AP3S1: variants seen among roughly 807,000 people sequenced by gnomAD.
AP3S1 encodes AP-3 complex subunit sigma-1.
In AP3S1, 12 loss-of-function variants were observed where a neutral mutation model predicts 21.3. That is an observed-to-expected ratio of 0.56 (90% CI 0.36 to 0.91). The LOEUF is 0.91. AP3S1 is among the 40% of genes least tolerant of loss of function. The probability of loss-of-function intolerance (pLI) is 0.01; values close to 1 mark genes in which losing one functional copy is unlikely to be tolerated. For synonymous variants in AP3S1, 48 were observed against 78.4 expected (o/e 0.61, Z 2.05); for missense variants, 116 against 225.0 (o/e 0.52, Z 3.10).
At chr5:115,906,526 A>C (rs1297886979) in intron 5 of AP3S1, among the ~76,000 whole-genome samples, 1 of 152,190 alleles carries the variant, frequency 6.6e-6, no homozygotes, top group Non-Finnish European at 1.5e-5. Flanking sequence ...ATTTTGATAG[A>C]AAAATGGTTT....
intron 1 of AP3S1, among the ~76,000 whole-genome samples, chr5:115,861,898 G>A (rs1274933451): frequency 3.6e-4 from 47 of 130,012 alleles, no homozygotes; most frequent in Non-Finnish European, 1.4e-4. Context: ...ATGGGGTCTC[G>A]CTATGTTGCC....
At chr5:115,902,257 A>C (rs933609645) in intron 4 of AP3S1, among the ~76,000 whole-genome samples, 3 of 152,196 alleles carry the variant, frequency 2.0e-5, no homozygotes, top group African/African-American at 4.8e-5. Context: ...CCTTATGAAA[A>C]GACAGAAGTT....
Position 115,870,007 on chromosome 5 carries a change from T to A in AP3S1, c.162-10T>A, listed in dbSNP as rs1034445276. ...GTTTCCAATAACATTACAATTTTTT[T>A]GTCATTTAGATTAATTGGAGGATCT... is the stretch of plus-strand genomic sequence containing the variant. On this transcript the variant is annotated splice_polypyrimidine_tract_variant and intron_variant, in intron 2 of 5. Transcript: ENST00000316788. The A allele has an allele frequency of 1.0e-6, 1 of 964,282 alleles. No homozygotes were observed. Among genetic ancestry groups the A allele is most frequent in the Non-Finnish European group, 1.5e-6 (1 of 657,972 alleles). 59.7% of individuals were successfully genotyped at this position (964,282 alleles called of 1,614,324 possible). A position where few individuals can be genotyped will look rare whatever the true frequency, so the allele number is the denominator to read the frequency against.
chr5:115,871,525 A>G (rs1459102573), intron 3 of AP3S1, among the ~76,000 whole-genome samples: 1 of 152,106 alleles, frequency 6.6e-6, no homozygotes, highest in Admixed American at 6.5e-5. Flanking sequence ...CGTTAGACCT[A>G]TTGCAACCCT....
At chr5:115,886,132 A>G (rs1749758840) in intron 3 of AP3S1, among the ~76,000 whole-genome samples, 1 of 152,228 alleles carries the variant, frequency 6.6e-6, no homozygotes. Context: ...ACTCTTCTGC[A>G]AATGGTTGAT....
chr5:115,907,296 C>T (rs1751731194), intron 5 of AP3S1, among the ~76,000 whole-genome samples: 1 of 152,022 alleles, frequency 6.6e-6, no homozygotes, highest in South Asian at 2.1e-4. Flanking sequence ...AAATTGCCTG[C>T]TGGGTTTTGG....
At chr5:115,909,090 A>G (rs78892862) in intron 5 of AP3S1, 1 of 155,480 alleles carries the variant, frequency 6.4e-6, no homozygotes, top group Non-Finnish European at 8.2e-6. Context: ...TTCAAACTTG[A>G]AAAAAAAAAA....
intron 3 of AP3S1, among the ~76,000 whole-genome samples, chr5:115,883,536 G>T (rs1428324230): frequency 3.3e-5 from 5 of 152,008 alleles, no homozygotes; most frequent in African/African-American, 1.2e-4. Flanking sequence ...GGCTACACTC[G>T]CTATCTCACC....
intron 4 of AP3S1, chr5:115,898,623 C>T (rs1335531922): frequency 1.3e-5 from 2 of 152,146 alleles, no homozygotes; most frequent in African/African-American, 4.8e-5. Context: ...TGGGCCAGGT[C>T]TTAGGTAGTC....
At chr5:115,864,811 T>G (rs1047654633) in intron 1 of AP3S1, among the ~76,000 whole-genome samples, 2 of 152,182 alleles carry the variant, frequency 1.3e-5, no homozygotes, top group Non-Finnish European at 2.9e-5. Context: ...AGATGAGTGC[T>G]TCTGAACAAT....
At chr5:115,857,553 C>G (rs970858782) in intron 1 of AP3S1, among the ~76,000 whole-genome samples, 1 of 152,090 alleles carries the variant, frequency 6.6e-6, no homozygotes, top group Non-Finnish European at 1.5e-5. Flanking sequence ...TCAAGTTATA[C>G]GTACATATTG....
intron 3 of AP3S1, among the ~76,000 whole-genome samples, chr5:115,889,215 G>C (rs533678970): frequency 1.3e-5 from 2 of 152,014 alleles, no homozygotes; most frequent in East Asian, 1.9e-4. Context: ...GAACTATTTA[G>C]ACAGCATTTT....
Position 115,841,981 on chromosome 5 carries a change from T to G in AP3S1, c.-57T>G, listed in dbSNP as rs916642995. On this transcript the variant is annotated 5_prime_UTR_variant, in exon 1 of 6. Coordinates refer to ENST00000316788, the MANE Select transcript of AP3S1 (RefSeq NM_001284.4). ...CGCAGGCGAGATTACGAGGCGAGGCTCGCGCGCCCGCCCCCGCCCTGGCCC... is the reference window on the plus strand; with the variant it reads ...CGCAGGCGAGATTACGAGGCGAGGCGCGCGCGCCCGCCCCCGCCCTGGCCC... 14 of 1,522,380 alleles carry G rather than the reference T, an allele frequency of 9.2e-6. No homozygotes were observed. The highest frequency in any genetic ancestry group is 1.1e-5 in the Non-Finnish European group (12 of 1,131,056). The allele number at this position is 1,522,380 out of a possible 1,614,324, so 94.3% of individuals were successfully genotyped here.
chr5:115,905,967 C>A (rs1039619551), intron 5 of AP3S1, among the ~76,000 whole-genome samples: 2 of 152,108 alleles, frequency 1.3e-5, no homozygotes, highest in Non-Finnish European at 2.9e-5. Flanking sequence ...ACCAGCCTGG[C>A]AAATATGGTG....
At chr5:115,869,263 A>C (rs1372313062) in intron 2 of AP3S1, among the ~76,000 whole-genome samples, 1 of 152,192 alleles carries the variant, frequency 6.6e-6, no homozygotes, top group Admixed American at 6.5e-5. Flanking sequence ...CATTTATGTC[A>C]AAACAATGTA....
chr5:115,851,421 G>C (rs1762431291), intron 1 of AP3S1, among the ~76,000 whole-genome samples: 1 of 152,082 alleles, frequency 6.6e-6, no homozygotes, highest in Admixed American at 6.6e-5. Flanking sequence ...TTCCACAGTG[G>C]CTGTACCATT....
chr5:115,843,058 G>A (rs1761755889), intron 1 of AP3S1, among the ~76,000 whole-genome samples: 1 of 152,212 alleles, frequency 6.6e-6, no homozygotes, highest in South Asian at 2.1e-4. Flanking sequence ...TAAGTGATTT[G>A]TTGATGATCG....
At chr5:115,903,506 C>G (rs1751390727) in intron 5 of AP3S1, 1 of 152,726 alleles carries the variant, frequency 6.5e-6, no homozygotes, top group East Asian at 1.9e-4. Flanking sequence ...ATACCTTAAT[C>G]TTTTAATTCT....
chr5:115,860,916 A>AG (rs1326504108), intron 1 of AP3S1, among the ~76,000 whole-genome samples: 1 of 152,176 alleles, frequency 6.6e-6, no homozygotes, highest in Non-Finnish European at 1.5e-5. Context: ...TTTATGTGTA[A>AG]GGTAACCCAG....
Sources: gnomAD v4.1 joint callset for allele counts (sites outside exome capture counted in the v4.1 genomes callset) on GRCh38, gnomAD v4.1.1 for gene constraint, MANE v1.5 for transcripts, NCBI Gene and HGNC (gene_info 2026-07-23, HGNC 2026-07-21) for gene names.